The following CHAF1A variants were observed in gnomAD, a reference collection of about 807,000 sequenced individuals.
CHAF1A encodes the protein CAF-1 subunit A.
In CHAF1A, 5 loss-of-function variants were observed where a neutral mutation model predicts 93.2. The observed-to-expected ratio is 0.05, with a 90% CI of 0.03 to 0.11. CHAF1A has a LOEUF of 0.11. Among genes scored for constraint, CHAF1A ranks in the 10% least tolerant of loss-of-function variants. CHAF1A has a pLI of 1.00. For missense variants in CHAF1A, 1,102 were observed against 1,259.9 expected (o/e 0.87, Z 1.90); for synonymous variants, 504 against 510.3 (o/e 0.99, Z 0.17).
chr19:4,442,413 A>G, intron 14 of CHAF1A, 72 bp downstream of exon 14: 1 of 1,279,696 alleles, frequency 7.8e-7, no homozygotes, highest in South Asian at 1.3e-5. Context: ...CAGAGAAGGG[A>G]TGGGGCTGCC....
intron 3 of CHAF1A, among the ~76,000 whole-genome samples, chr19:4,410,746 G>C (rs2145074626): frequency 6.6e-6 from 1 of 152,330 alleles, no homozygotes; most frequent in South Asian, 2.1e-4. Flanking sequence ...AGCCACCTGG[G>C]AAACTGAGGC....
chr19:4,429,500 G>C lies in CHAF1A; in HGVS notation c.1667G>C (p.Arg556Thr). ...DGVPERRKFG[R>T]MKLLQFCENH... ...GTTCCCGAGAGGAGGAAGTTTGGCA[G>C]GATGAAGCTCCTGCAGTTCTGTGAG... The change falls in exon 9 of 15, where the codon AGG becomes ACG. Residue 556 changes from arginine (R) to threonine (T), a missense_variant. Around this residue, in one of 6 missense-constraint regions of CHAF1A, gnomAD observed 335 missense variants for 361.9 expected, o/e 0.93. Coordinates refer to ENST00000301280, the MANE Select transcript of CHAF1A (RefSeq NM_005483.3). The C allele has an allele frequency of 6.2e-7, 1 of 1,614,026 alleles. No individual in the cohort carries two copies. The highest frequency in any genetic ancestry group is 2.2e-5 in the East Asian group (1 of 44,872).
At chr19:4,445,895 GC>G (rs746596029), downstream of CHAF1A, 9 of 1,284,694 alleles carry the variant, frequency 7.0e-6, no homozygotes, top group Non-Finnish European at 9.5e-6. Context: ...AGGCCCTGCT[GC>G]CAGTAAGTGG....
chr19:4,446,138 G>C (rs1974509871), downstream of CHAF1A: 1 of 1,611,990 alleles, frequency 6.2e-7, no homozygotes, highest in Non-Finnish European at 8.5e-7. Context: ...CAGTCGCTCT[G>C]CAGGGCCTCC....
chr19:4,405,608 CAAA>C, intron 1 of CHAF1A, among the ~76,000 whole-genome samples: 1 of 91,930 alleles, frequency 1.1e-5, no homozygotes, highest in African/African-American at 4.1e-5. Flanking sequence ...ACTCTGTCTC[CAAA>C]AAAAAAAAAA....
At chr19:4,450,696 T>C in the CHAF1A span, 1 of 132,884 alleles carries the variant, frequency 7.5e-6, no homozygotes, top group Non-Finnish European at 1.5e-5. Context: ...TAGGCGGAGC[T>C]TGCAGTGAGC....
At chr19:4,414,453 C>T (rs1008268588) in intron 3 of CHAF1A, among the ~76,000 whole-genome samples, 1 of 151,814 alleles carries the variant, frequency 6.6e-6, no homozygotes, top group Non-Finnish European at 1.5e-5. Context: ...CCTCTGTTCT[C>T]CCAGGAGGTT....
intron 3 of CHAF1A, among the ~76,000 whole-genome samples, chr19:4,411,642 A>ATTTTTTTTTTTTT (rs1202069647): frequency 5.3e-4 from 20 of 38,038 alleles, no homozygotes; most frequent in African/African-American, 1.4e-3. Flanking sequence ...AATGGTGCAA[A>ATTTTTTTTTTTTT]TCTTTTTTTT....
At chr19:4,428,601 C>T in intron 7 of CHAF1A, 63 bp from the exon 8 acceptor site, 2 of 1,382,466 alleles carry the variant, frequency 1.4e-6, no homozygotes, top group East Asian at 2.3e-5. Flanking sequence ...CTGCTGTGTG[C>T]GTCCATGGTG....
At chr19:4,441,767 A>G (rs1437392651) in intron 13 of CHAF1A, among the ~76,000 whole-genome samples, 1 of 152,010 alleles carries the variant, frequency 6.6e-6, no homozygotes, top group African/African-American at 2.4e-5. Flanking sequence ...GCGTGGTGTC[A>G]GGCGCCTGTA....
chr19:4,415,221 A>C (rs2061937116), intron 3 of CHAF1A, among the ~76,000 whole-genome samples: 1 of 152,150 alleles, frequency 6.6e-6, no homozygotes, highest in African/African-American at 2.4e-5. Flanking sequence ...TCAAGAAGAT[A>C]AAGTTCTGTC....
At chr19:4,436,279 C>T (rs1451865693) in intron 13 of CHAF1A, among the ~76,000 whole-genome samples, 1 of 152,214 alleles carries the variant, frequency 6.6e-6, no homozygotes, top group Non-Finnish European at 1.5e-5. Context: ...CCTCAGCTGT[C>T]ACAGCAGGAG....
rs772155587 is a variant in CHAF1A, at chr19:4,432,077, G to A, written c.2073G>A (p.Ala691=). The A allele has an allele frequency of 6.2e-6, 10 of 1,613,968 alleles. No individual in the cohort carries two copies. The highest frequency in any genetic ancestry group is 3.3e-5 in the South Asian group (3 of 91,076). ...LQPVKIGCVW[A]ADRDCAGDDL... is the part of the protein sequence containing the mutation. ...CTGTGAAGATCGGCTGCGTGTGGGC[G>A]GCTGACAGAGACTGCGCAGGCGATG... The change falls in exon 12 of 15, where the codon GCG becomes GCA. Residue 691 remains alanine (A), a synonymous_variant. Transcript: ENST00000301280.
intron 7 of CHAF1A, among the ~76,000 whole-genome samples, chr19:4,427,513 A>G (rs920855682): frequency 1.4e-5 from 2 of 145,000 alleles, no homozygotes; most frequent in Non-Finnish European, 3.0e-5. Context: ...CCCAGATCCA[A>G]ACGATTCTCC....
chr19:4,420,311 C>T (rs1212101679), intron 4 of CHAF1A, among the ~76,000 whole-genome samples: 2 of 151,878 alleles, frequency 1.3e-5, no homozygotes, highest in Non-Finnish European at 2.9e-5. Flanking sequence ...GGCGTGATCT[C>T]GGCTCCCTGC....
At chr19:4,415,161 G>C (rs1225070104) in intron 3 of CHAF1A, among the ~76,000 whole-genome samples, 2 of 152,140 alleles carry the variant, frequency 1.3e-5, no homozygotes, top group Non-Finnish European at 2.9e-5. Context: ...GAATGTGGGA[G>C]TGTTGCATAG....
In CHAF1A at chr19:4,428,288, G is replaced by A. The variant is rs570571273; in HGVS notation, c.1378-376G>A. Among the ~76,000 whole-genome samples the A allele has an allele frequency of 1.5e-3, 213 of 144,380 alleles. 2 individuals are homozygous for A. Among genetic ancestry groups the A allele is most frequent in the African/African-American group, 5.0e-3 (197 of 39,232 alleles). 94.7% of individuals were successfully genotyped at this position (144,380 alleles called of 152,430 possible). A position where few individuals can be genotyped will look rare whatever the true frequency, so the allele number is the denominator to read the frequency against. ...ATTACAGGCATGAGCCACTGCCCCC[G>A]GCCTTTTTTTTTTTTTTTTTTAAGT... On this transcript the variant is annotated intron_variant, in intron 7 of 14. Coordinates refer to ENST00000301280, the MANE Select transcript of CHAF1A (RefSeq NM_005483.3).
At chr19:4,420,066 A>C (rs1973963771) in intron 4 of CHAF1A, among the ~76,000 whole-genome samples, 2 of 152,148 alleles carry the variant, frequency 1.3e-5, no homozygotes, top group Non-Finnish European at 2.9e-5. Context: ...CTTTTGTTAA[A>C]GCTACCAGAG....
chr19:4,438,354 TTTTTGTTTTG>T (rs139248002), intron 13 of CHAF1A, among the ~76,000 whole-genome samples: 44 of 150,886 alleles, frequency 2.9e-4, no homozygotes, highest in Middle Eastern at 3.4e-3. Context: ...AGAAGAGGTT[TTTTTGTTTTG>T]TTTTGTTTTG....
Sources: gnomAD v4.1 joint callset for allele counts (sites outside exome capture counted in the v4.1 genomes callset) on GRCh38, gnomAD v4.1.1 for gene constraint, gnomAD v4.1.1 regional missense constraint, MANE v1.5 for transcripts, NCBI Gene and HGNC (gene_info 2026-07-23, HGNC 2026-07-21) for gene names.